The following ENPP3 variants were observed in gnomAD, a reference collection of about 807,000 sequenced individuals.
ENPP3 encodes ectonucleotide pyrophosphatase/phosphodiesterase 3, also known as ectonucleotide pyrophosphatase/phosphodiesterase family member 3.
A neutral mutation model predicts 117.8 loss-of-function variants in ENPP3; 104 were observed. The ratio of observed to expected loss-of-function variants is 0.88; its 90% CI spans 0.75 to 1.04. The LOEUF (loss-of-function observed/expected upper bound fraction) is 1.04, where lower values mean the gene tolerates loss of function less well. ENPP3 is among the 50% of genes least tolerant of loss of function. ENPP3 has a pLI of 0.00. For synonymous variants in ENPP3, 380 were observed against 349.9 expected (o/e 1.09, Z -0.96); for missense variants, 1,026 against 1,051.9 (o/e 0.98, Z 0.34).
chr6:131,740,085 A>C (rs1285258680), intron 23 of ENPP3, 139 bp from the exon 24 acceptor site: 1 of 618,960 alleles, frequency 1.6e-6, no homozygotes, highest in Non-Finnish European at 2.5e-6. Context: ...TACCTAGCAT[A>C]TAGTAAAATG....
chr6:131,738,080 A>G lies in ENPP3; in HGVS notation c.2217A>G (p.Glu739=), dbSNP rs769019983. ...HSVLLIKHAT[E]RNGVNVVSGP... ...TTCTTCTTATAAAACATGCCACAGA[A>G]AGAAATGGAGTAAATGTGGTTAGTG... Residue 739 remains glutamate (E), a synonymous_variant, in exon 23 of 25, where the codon GAA becomes GAG. Coordinates refer to ENST00000357639, the MANE Select transcript of ENPP3 (RefSeq NM_005021.5). The G allele has an allele frequency of 6.2e-7, 1 of 1,606,074 alleles. No homozygotes were observed. Among genetic ancestry groups the G allele is most frequent in the Admixed American group, 1.7e-5 (1 of 59,620 alleles).
At chr6:131,650,331 C>T (rs1341036213) in intron 3 of ENPP3, among the ~76,000 whole-genome samples, 182 bp downstream of exon 3, 1 of 151,814 alleles carries the variant, frequency 6.6e-6, no homozygotes, top group Admixed American at 6.6e-5. Context: ...TTGATCTTTC[C>T]ACCTCAGCCT....
intron 6 of ENPP3, 96 bp downstream of exon 6, chr6:131,658,516 T>G (rs1778433139): frequency 1.4e-6 from 1 of 696,462 alleles, no homozygotes; most frequent in African/African-American, 1.8e-5. Context: ...TTAACGCTGG[T>G]GGTTTGTCTT....
intron 6 of ENPP3, among the ~76,000 whole-genome samples, chr6:131,670,351 G>A (rs1371966550): frequency 6.6e-6 from 1 of 152,208 alleles, no homozygotes; most frequent in Non-Finnish European, 1.5e-5. Flanking sequence ...AAACAAACTG[G>A]CAGTGTATAA....
At chr6:131,669,162 A>T (rs1778685579) in intron 6 of ENPP3, among the ~76,000 whole-genome samples, 1 of 152,194 alleles carries the variant, frequency 6.6e-6, no homozygotes, top group Admixed American at 6.5e-5. Flanking sequence ...AAATTATTTT[A>T]ATTGTGTAAG....
intron 21 of ENPP3, among the ~76,000 whole-genome samples, chr6:131,736,088 C>CA (rs1177091275): frequency 2.0e-5 from 3 of 152,182 alleles, no homozygotes; most frequent in African/African-American, 7.2e-5. Flanking sequence ...ACAAATGAAG[C>CA]ACAGAGGGAT....
At chr6:131,652,730 A>C in intron 4 of ENPP3, 63 bp downstream of exon 4, 1 of 1,607,594 alleles carries the variant, frequency 6.2e-7, no homozygotes, top group South Asian at 1.1e-5. Context: ...TGAGTTTCCT[A>C]GAGCCATGCT....
In ENPP3 at chr6:131,738,109, C is replaced by T. The variant is rs373486343; in HGVS notation, c.2246C>T (p.Pro749Leu). The change falls in exon 23 of 25, where the codon CCA becomes CTA. Residue 749 changes from proline to leucine, a missense_variant. Transcript: ENST00000357639. The part of the protein sequence containing the change: ...ERNGVNVVSG[P>L]IFDYNYDGHF... ...AATGGAGTAAATGTGGTTAGTGGAC[C>T]AATATTTGATTATAATTATGATGGC... 3 of 1,607,084 alleles carry T rather than the reference C, an allele frequency of 1.9e-6. No homozygotes were observed. The highest frequency in any genetic ancestry group is 2.6e-6 in the Non-Finnish European group (3 of 1,175,136).
At chr6:131,693,433 A>G in intron 14 of ENPP3, 64 bp from the exon 15 acceptor site, 5 of 1,440,282 alleles carry the variant, frequency 3.5e-6, no homozygotes, top group Non-Finnish European at 3.8e-6. Flanking sequence ...GATGTAGAAG[A>G]TGAACTTTTA....
At position 131,658,028 on chromosome 6, in the gene ENPP3, G is replaced by A. The variant is rs117830973; in HGVS notation, c.465-295G>A. ...AATTTATCCGGTTGTGGTGGTGTAC[G>A]ACTGTAATCCCAGCTACTCTGAGGC... On this transcript the variant is annotated intron_variant, in intron 5 of 24. Coordinates refer to ENST00000357639, the MANE Select transcript of ENPP3 (RefSeq NM_005021.5). 5.5e-4 allele frequency among the ~76,000 whole-genome samples: 84 copies of A among 151,824 alleles called. No homozygotes were observed. In the East Asian group the frequency reaches 0.011, roughly 21 times the overall value.
intron 21 of ENPP3, among the ~76,000 whole-genome samples, chr6:131,735,073 G>A (rs1182832772): frequency 1.3e-5 from 2 of 151,648 alleles, no homozygotes; most frequent in Non-Finnish European, 2.9e-5. Flanking sequence ...GGCCAGACAC[G>A]GTGGCTCATG....
intron 15 of ENPP3, chr6:131,699,642 G>A: frequency 6.6e-6 from 1 of 150,512 alleles, no homozygotes; most frequent in Non-Finnish European, 1.5e-5. Flanking sequence ...AAGATTGTGA[G>A]GTTGAATGAG....
Position 131,716,048 on chromosome 6 carries a change from A to C in ENPP3, c.1413-2624A>C, listed in dbSNP as rs75610797. On this transcript the variant is annotated intron_variant, in intron 15 of 24. Transcript: ENST00000357639. ...AGACAGACTTGGCAACTGATCTGGC[A>C]TCAGGAGAGAAGTCTTATTCATCTC... Among the ~76,000 whole-genome samples, 38 of 152,340 alleles carry C rather than the reference A, an allele frequency of 2.5e-4. 1 individual carries two copies. In the East Asian group the frequency reaches 6.8e-3, roughly 27 times the overall value.
At chr6:131,649,979 T>C (rs1316946197) in intron 2 of ENPP3, 48 bp from the exon 3 acceptor site, 2 of 1,610,914 alleles carry the variant, frequency 1.2e-6, no homozygotes. Context: ...AGGTATGAGA[T>C]ATTGAATAGC....
Position 131,693,598 on chromosome 6 carries a change from T to G in ENPP3, c.1386T>G (p.Phe462Leu). Residue 462 changes from phenylalanine (F) to leucine (L), a missense_variant, in exon 15 of 25, where the codon TTT becomes TTG. Coordinates refer to ENST00000357639, the MANE Select transcript of ENPP3 (RefSeq NM_005021.5). ...KNVRIDKVHL[F>L]VDQQWLAVRS... Reference sequence around the variant, plus strand: ...TCAGAATCGACAAAGTTCATCTCTTTGTGGATCAACAGTGGCTGGCTGTTA... The same window carrying G: ...TCAGAATCGACAAAGTTCATCTCTTGGTGGATCAACAGTGGCTGGCTGTTA... The G allele has an allele frequency of 6.2e-7, 1 of 1,613,918 alleles. No individual in the cohort carries two copies.
At chr6:131,745,288 C>T (rs1287331156) in intron 24 of ENPP3, among the ~76,000 whole-genome samples, 4 of 150,438 alleles carry the variant, frequency 2.7e-5, no homozygotes, top group African/African-American at 4.9e-5. Context: ...AATATTAGCT[C>T]GCATTGTGAA....
At chr6:131,641,559 T>C in intron 2 of ENPP3, 29 bp downstream of exon 2, 2 of 1,363,364 alleles carry the variant, frequency 1.5e-6, no homozygotes, top group Non-Finnish European at 2.1e-6. Context: ...TCTCAGAACA[T>C]TCCCTTATTT....
intron 20 of ENPP3, among the ~76,000 whole-genome samples, chr6:131,731,992 C>T (rs1464895470): frequency 6.6e-6 from 1 of 152,190 alleles, no homozygotes; most frequent in African/African-American, 2.4e-5. Flanking sequence ...TCAGCTCCTA[C>T]TTGTTCTATA....
At chr6:131,685,564 C>A in intron 13 of ENPP3, 69 bp downstream of exon 13, 1 of 1,507,860 alleles carries the variant, frequency 6.6e-7, no homozygotes, top group South Asian at 1.2e-5. Context: ...TCCACTAATT[C>A]TGAGAGGAAG....
Sources: gnomAD v4.1 joint callset for allele counts (sites outside exome capture counted in the v4.1 genomes callset) on GRCh38, gnomAD v4.1.1 for gene constraint, MANE v1.5 for transcripts, NCBI Gene and HGNC (gene_info 2026-07-23, HGNC 2026-07-21) for gene names.